Variants in FANK1 observed in about 807,000 individuals in gnomAD.
The protein encoded by FANK1 is fibronectin type 3 and ankyrin repeat domains protein 1.
A neutral mutation model predicts 45.3 loss-of-function variants in FANK1; 44 were observed. The observed-to-expected ratio is 0.97, with a 90% CI of 0.76 to 1.25. The LOEUF (loss-of-function observed/expected upper bound fraction) is 1.25. FANK1 is among the 50% of genes most tolerant of loss of function. The probability of loss-of-function intolerance (pLI) is 0.00; values close to 1 mark genes in which losing one functional copy is unlikely to be tolerated. For synonymous variants in FANK1, 149 were observed against 152.5 expected (o/e 0.98, Z 0.17); for missense variants, 391 against 424.4 (o/e 0.92, Z 0.69).
intron 1 of FANK1, among the ~76,000 whole-genome samples, chr10:125,901,703 T>A (rs1458288430): frequency 1.6e-4 from 25 of 152,238 alleles, no homozygotes; most frequent in African/African-American, 5.8e-4. Flanking sequence ...AATCTTTGCC[T>A]AAATTTCACC....
At chr10:125,999,832 TTTG>T in intron 6 of FANK1, among the ~76,000 whole-genome samples, 1 of 152,336 alleles carries the variant, frequency 6.6e-6, no homozygotes, top group African/African-American at 2.4e-5. Context: ...ACAGATATAT[TTTG>T]TTATTTCATG....
intron 1 of FANK1, among the ~76,000 whole-genome samples, chr10:125,907,171 A>T (rs1446497623): frequency 3.3e-5 from 5 of 152,228 alleles, no homozygotes; most frequent in Non-Finnish European, 7.3e-5. Context: ...CCAGCCTTTT[A>T]ATCTAAATTG....
intron 3 of FANK1, chr10:125,994,839 T>C (rs1952200967): frequency 2.0e-6 from 2 of 985,380 alleles, no homozygotes; most frequent in Non-Finnish European, 2.4e-6. Context: ...TCTGGACTCC[T>C]CCTGGGTCTT....
At chr10:126,008,599 C>G in intron 8 of FANK1, 49 bp downstream of exon 8, 1 of 1,556,586 alleles carries the variant, frequency 6.4e-7, no homozygotes, top group South Asian at 1.2e-5. Context: ...GAATTAATGT[C>G]AGAGCTTTTT....
chr10:125,902,289 T>G (rs1449252248), intron 1 of FANK1, among the ~76,000 whole-genome samples: 2 of 151,340 alleles, frequency 1.3e-5, no homozygotes, highest in Non-Finnish European at 2.9e-5. Flanking sequence ...TTCTACTTTC[T>G]TCACTCGACT....
chr10:125,946,452 G>A (rs1244197205), intron 1 of FANK1, among the ~76,000 whole-genome samples: 1 of 152,094 alleles, frequency 6.6e-6, no homozygotes, highest in Admixed American at 6.5e-5. Flanking sequence ...CGAGAACTAT[G>A]TGAAGAATGC....
chr10:125,997,323 C>G, intron 5 of FANK1, 97 bp from the exon 6 acceptor site: 1 of 891,826 alleles, frequency 1.1e-6, no homozygotes, highest in Non-Finnish European at 1.7e-6. Context: ...TTGAAAGATA[C>G]ATCTTGGATG....
intron 1 of FANK1, among the ~76,000 whole-genome samples, chr10:125,898,899 T>TG (rs1447742539): frequency 2.7e-5 from 4 of 148,058 alleles, no homozygotes; most frequent in Admixed American, 1.3e-4. Flanking sequence ...GTTTTGTTGT[T>TG]TTTTTTTTTT....
At chr10:125,913,636 G>T (rs1291103995) in intron 1 of FANK1, among the ~76,000 whole-genome samples, 1 of 152,114 alleles carries the variant, frequency 6.6e-6, no homozygotes, top group Non-Finnish European at 1.5e-5. Flanking sequence ...CAAAATTTTG[G>T]CACCAACAAC....
intron 1 of FANK1, among the ~76,000 whole-genome samples, chr10:125,953,538 C>T (rs920235538): frequency 3.2e-4 from 49 of 152,080 alleles, no homozygotes; most frequent in Admixed American, 1.2e-3. Context: ...AGTTCCTATG[C>T]GGGGGAAGAA....
chr10:125,942,543 A>G (rs1185184073), intron 1 of FANK1, among the ~76,000 whole-genome samples: 2 of 152,254 alleles, frequency 1.3e-5, no homozygotes. Context: ...CGAAAAGAAT[A>G]CAAAATTAAG....
chr10:125,974,175 T>C (rs1183981842), intron 1 of FANK1, among the ~76,000 whole-genome samples: 2 of 152,092 alleles, frequency 1.3e-5, no homozygotes, highest in African/African-American at 2.4e-5. Flanking sequence ...ATTTGGAAAA[T>C]AAAGTTGGGA....
chr10:125,987,434 C>A (rs1951638150), intron 2 of FANK1, among the ~76,000 whole-genome samples: 1 of 151,324 alleles, frequency 6.6e-6, no homozygotes, highest in Non-Finnish European at 1.5e-5. Flanking sequence ...ACAATGGTAA[C>A]CTTGGCATCT....
At chr10:125,926,911 A>G (rs1195486245) in intron 1 of FANK1, among the ~76,000 whole-genome samples, 3 of 152,276 alleles carry the variant, frequency 2.0e-5, no homozygotes, top group African/African-American at 7.2e-5. Flanking sequence ...GCATACAGGT[A>G]AGGAGATCAT....
rs60627576 is a variant in FANK1 at position 125,981,496 on chromosome 10, C to CAAAA, written c.191+1174_191+1177dup. 3.9e-3 allele frequency among the ~76,000 whole-genome samples: 452 copies of CAAAA among 117,310 alleles called. 2 individuals are homozygous for CAAAA. The highest frequency in any genetic ancestry group is 0.015 in the African/African-American group (425 of 29,294). 77.0% of individuals were successfully genotyped at this position (117,310 alleles called of 152,430 possible). ...TGGGTGACAGAGTGAGACCCTGTCTCAAAAAAAAAAAAAAAAAAAGTTATG... is the reference window on the plus strand; with the variant it reads ...TGGGTGACAGAGTGAGACCCTGTCTCAAAAAAAAAAAAAAAAAAAAAAAGTTATG... On this transcript the variant is annotated intron_variant, in intron 2 of 10. Coordinates refer to ENST00000368693, the MANE Select transcript of FANK1 (RefSeq NM_145235.5).
intron 1 of FANK1, among the ~76,000 whole-genome samples, chr10:125,945,801 CACAG>C (rs1409519116): frequency 6.6e-6 from 1 of 152,190 alleles, no homozygotes; most frequent in African/African-American, 2.4e-5. Context: ...GGGGGCAGGG[CACAG>C]ACAAACAAAA....
rs1359106730 is a variant in FANK1, at chr10:125,946,332, C to CCA, written c.14-33828_14-33827dup. Reference sequence around the variant, plus strand: ...TCTGAGCTACGGGAGGACATTCAAACCAAAGGCAAAGAAGTTGAAAACTTT... The same window carrying CCA: ...TCTGAGCTACGGGAGGACATTCAAACCACAAAGGCAAAGAAGTTGAAAACTTT... On this transcript the variant is annotated intron_variant, in intron 1 of 10. Transcript: ENST00000368693. 2.4e-3 allele frequency among the ~76,000 whole-genome samples: 362 copies of CCA among 148,190 alleles called. 1 individual carries two copies. Among genetic ancestry groups the CCA allele is most frequent in the Non-Finnish European group, 4.3e-3 (288 of 66,268 alleles).
intron 7 of FANK1, among the ~76,000 whole-genome samples, chr10:126,005,885 C>T (rs1277033775): frequency 6.6e-6 from 1 of 152,170 alleles, no homozygotes; most frequent in Non-Finnish European, 1.5e-5. Context: ...TACCTGGAAA[C>T]AGGCAAGTGG....
In FANK1 at chr10:126,004,873, A is replaced by G. The variant is rs200332196; in HGVS notation, c.540-11A>G. The G allele has an allele frequency of 7.6e-4, 1,220 of 1,613,586 alleles. 6 individuals are homozygous for G. In the Middle Eastern group the frequency reaches 0.011, roughly 15 times the overall value. Reference sequence around the variant, plus strand: ...CTTATTGTCAAATGCCGCTTCTTCCATATGTTGCAGTCTAATGCTGGCGTG... The same window carrying G: ...CTTATTGTCAAATGCCGCTTCTTCCGTATGTTGCAGTCTAATGCTGGCGTG... On this transcript the variant is annotated splice_polypyrimidine_tract_variant and intron_variant, in intron 6 of 10. Transcript: ENST00000368693.
Sources: gnomAD v4.1 joint callset for allele counts (sites outside exome capture counted in the v4.1 genomes callset) on GRCh38, gnomAD v4.1.1 for gene constraint, MANE v1.5 for transcripts, NCBI Gene and HGNC (gene_info 2026-07-23, HGNC 2026-07-21) for gene names.